Variants in STARD3NL observed in about 807,000 individuals in gnomAD.
The protein encoded by STARD3NL is STARD3 N-terminal like.
STARD3NL carries 17 observed loss-of-function variants against 30.9 expected under a neutral mutation model. The ratio of observed to expected loss-of-function variants is 0.55; its 90% CI spans 0.38 to 0.82. The LOEUF (loss-of-function observed/expected upper bound fraction) is 0.82, where lower values mean the gene tolerates loss of function less well. Ranked by LOEUF, STARD3NL falls within the 40% of genes least tolerant of loss-of-function variation. The pLI is 0.00. For synonymous variants in STARD3NL, 112 were observed against 100.5 expected (o/e 1.11, Z -0.69); for missense variants, 234 against 277.6 (o/e 0.84, Z 1.12).
chr7:38,218,488 A>G (rs1416235609), intron 6 of STARD3NL, among the ~76,000 whole-genome samples: 1 of 152,260 alleles, frequency 6.6e-6, no homozygotes, highest in Admixed American at 6.5e-5. Flanking sequence ...TTTTAATTGT[A>G]TATAAATATA....
chr7:38,223,586 C>T (rs1384147414), intron 7 of STARD3NL, among the ~76,000 whole-genome samples: 1 of 152,104 alleles, frequency 6.6e-6, no homozygotes, highest in African/African-American at 2.4e-5. Context: ...TCCTGGTTTG[C>T]CTGCAGCAGC....
chr7:38,188,164 A>G (rs1784540326), intron 1 of STARD3NL, among the ~76,000 whole-genome samples: 1 of 152,138 alleles, frequency 6.6e-6, no homozygotes, highest in Non-Finnish European at 1.5e-5. Flanking sequence ...TTCCCATCTC[A>G]TTCAGAGTAA....
intron 2 of STARD3NL, among the ~76,000 whole-genome samples, chr7:38,209,974 GGTATATGATC>G: frequency 6.6e-6 from 1 of 152,070 alleles, no homozygotes; most frequent in Non-Finnish European, 1.5e-5. Flanking sequence ...ATTGGAAAAG[GGTATATGATC>G]AAGCAAGAAC....
At chr7:38,204,955 A>G (rs1785375829) in intron 1 of STARD3NL, among the ~76,000 whole-genome samples, 1 of 152,220 alleles carries the variant, frequency 6.6e-6, no homozygotes, top group South Asian at 2.1e-4. Flanking sequence ...GAATCTCTGA[A>G]TAGACCAATA....
In STARD3NL at chr7:38,205,779, G is replaced by A. The variant is rs115179318; in HGVS notation, c.-58-1668G>A. On this transcript the variant is annotated intron_variant, in intron 1 of 8. Transcript: ENST00000009041. ...ACTATGTTACCACTACTCAGGTAAA[G>A]AAATAGAACTTTACCAAGTCCCCTA... is the stretch of plus-strand genomic sequence containing the variant. Among the ~76,000 whole-genome samples the A allele has an allele frequency of 6.0e-3, 920 of 152,216 alleles. 11 individuals carry two copies. Among genetic ancestry groups the A allele is most frequent in the African/African-American group, 0.021 (888 of 41,528 alleles).
rs756578844 is a variant in STARD3NL, at chr7:38,207,464, A to T, written c.-41A>T. Reference sequence around the variant, plus strand: ...TCCCAAAGGTGTCTTCTCTTTAGGGATGGTGAGGTTGGAAAAAGGCTCCTG... The same window carrying T: ...TCCCAAAGGTGTCTTCTCTTTAGGGTTGGTGAGGTTGGAAAAAGGCTCCTG... On this transcript the variant is annotated 5_prime_UTR_variant, in exon 2 of 9. The change abolishes an upstream ATG in the 5' untranslated region. Coordinates refer to ENST00000009041, the MANE Select transcript of STARD3NL (RefSeq NM_032016.4). 6.4e-7 allele frequency: 1 copy of T among 1,562,682 alleles called. No individual in the cohort carries two copies. The highest frequency in any genetic ancestry group is 8.8e-7 in the Non-Finnish European group (1 of 1,137,374).
intron 1 of STARD3NL, among the ~76,000 whole-genome samples, chr7:38,179,707 G>A (rs1294937320): frequency 6.6e-6 from 1 of 152,240 alleles, no homozygotes; most frequent in Non-Finnish European, 1.5e-5. Flanking sequence ...GACAAGTTTA[G>A]ATAGGAATAA....
chr7:38,218,941 T>A (rs1026459556), intron 6 of STARD3NL, among the ~76,000 whole-genome samples: 1 of 152,258 alleles, frequency 6.6e-6, no homozygotes, highest in Non-Finnish European at 1.5e-5. Flanking sequence ...TCTAACCAGA[T>A]GTAGCCAGCA....
rs1583759469 is a variant in STARD3NL, at chr7:38,178,277, G to A, written c.-202G>A. Reference sequence around the variant, plus strand: ...CGGGCCGGAGGTCCCGGGGCTGCTGGGTGCGGGCGGTGGGCTGCGCGTTGT... The same window carrying A: ...CGGGCCGGAGGTCCCGGGGCTGCTGAGTGCGGGCGGTGGGCTGCGCGTTGT... On this transcript the variant is annotated 5_prime_UTR_variant, in exon 1 of 9. Transcript: ENST00000009041. 1 of 152,324 alleles carries A rather than the reference G, an allele frequency of 6.6e-6. No individual in the cohort carries two copies. Among genetic ancestry groups the A allele is most frequent in the East Asian group, 1.9e-4 (1 of 5,180 alleles). The allele number at this position is 152,324 out of a possible 1,614,324, so 9.4% of individuals were successfully genotyped here.
At chr7:38,219,907 A>G (rs886986739) in intron 7 of STARD3NL, among the ~76,000 whole-genome samples, 1 of 152,198 alleles carries the variant, frequency 6.6e-6, no homozygotes, top group African/African-American at 2.4e-5. Flanking sequence ...TAGAAGACAC[A>G]CAGACAAGGG....
chr7:38,199,997 G>A (rs1247889329), intron 1 of STARD3NL, among the ~76,000 whole-genome samples: 1 of 152,184 alleles, frequency 6.6e-6, no homozygotes, highest in Non-Finnish European at 1.5e-5. Context: ...AATCTAGTCT[G>A]TGGGGTTCCA....
chr7:38,190,964 A>T (rs950851869), intron 1 of STARD3NL, among the ~76,000 whole-genome samples: 2 of 152,200 alleles, frequency 1.3e-5, no homozygotes, highest in African/African-American at 4.8e-5. Flanking sequence ...AAGGCAGGTA[A>T]TGCCAGCTTG....
At chr7:38,225,855 C>T (rs1220418378) in intron 7 of STARD3NL, among the ~76,000 whole-genome samples, 1 of 152,158 alleles carries the variant, frequency 6.6e-6, no homozygotes, top group Admixed American at 6.5e-5. Context: ...CAGGTTGACA[C>T]GGATGTGTCT....
intron 2 of STARD3NL, among the ~76,000 whole-genome samples, chr7:38,210,678 C>T (rs1562615918): frequency 6.6e-6 from 1 of 152,124 alleles, no homozygotes; most frequent in Non-Finnish European, 1.5e-5. Flanking sequence ...GGACTCTTTT[C>T]CCTCTGCAGA....
chr7:38,229,813 G>A (rs1055293224), intron 8 of STARD3NL, 110 bp from the exon 9 acceptor site: 14 of 152,230 alleles, frequency 9.2e-5, no homozygotes, highest in African/African-American at 3.1e-4. Context: ...TCGTGTGTCT[G>A]TCACAGCCCC....
chr7:38,185,441 T>C (rs934009642), intron 1 of STARD3NL, among the ~76,000 whole-genome samples: 4 of 152,178 alleles, frequency 2.6e-5, no homozygotes, highest in African/African-American at 9.7e-5. Flanking sequence ...TGGGCATAGA[T>C]GTGAATGGCA....
intron 2 of STARD3NL, among the ~76,000 whole-genome samples, chr7:38,212,103 A>G (rs989762895): frequency 4.6e-5 from 7 of 152,180 alleles, no homozygotes; most frequent in African/African-American, 1.7e-4. Flanking sequence ...CACAGTAGCC[A>G]GGGTAACCTG....
At chr7:38,190,503 A>G (rs545427425) in intron 1 of STARD3NL, among the ~76,000 whole-genome samples, 3 of 152,374 alleles carry the variant, frequency 2.0e-5, no homozygotes, top group African/African-American at 7.2e-5. Flanking sequence ...CAGACACAGC[A>G]GTGCCATCTC....
intron 1 of STARD3NL, among the ~76,000 whole-genome samples, chr7:38,187,008 T>A (rs1273998552): frequency 6.6e-6 from 1 of 151,420 alleles, no homozygotes; most frequent in East Asian, 1.9e-4. Flanking sequence ...TACTTTGGGC[T>A]ACCTGACAGC....
Sources: gnomAD v4.1 joint callset for allele counts (sites outside exome capture counted in the v4.1 genomes callset) on GRCh38, gnomAD v4.1.1 for gene constraint, MANE v1.5 for transcripts, NCBI Gene and HGNC (gene_info 2026-07-23, HGNC 2026-07-21) for gene names.